The following GPCPD1 variants were observed in gnomAD, a reference collection of about 807,000 sequenced individuals.
GPCPD1 encodes glycerophosphocholine phosphodiesterase GPCPD1.
In GPCPD1, 29 loss-of-function variants were observed where a neutral mutation model predicts 89.2. That is an observed-to-expected ratio of 0.33 (90% CI 0.24 to 0.44). The LOEUF (loss-of-function observed/expected upper bound fraction) is 0.44. GPCPD1 is among the 20% of genes least tolerant of loss of function. GPCPD1 has a pLI of 1.00. For missense variants in GPCPD1, 594 were observed against 808.9 expected, an observed-to-expected ratio of 0.73 and a Z score of 3.22; for synonymous variants, 258 against 266.3, an observed-to-expected ratio of 0.97 and a Z score of 0.30.
Position 5,604,458 on chromosome 20 carries a change from A to G in GPCPD1, c.-28-18T>C. The G allele has an allele frequency of 3.5e-6, 4 of 1,140,240 alleles. No individual in the cohort carries two copies. The highest frequency in any genetic ancestry group is 5.2e-6 in the Non-Finnish European group (4 of 765,486). The allele number at this position is 1,140,240 out of a possible 1,614,324, so 70.6% of individuals were successfully genotyped here. A position where few individuals can be genotyped will look rare whatever the true frequency, so the allele number is the denominator to read the frequency against. On this transcript the variant is annotated intron_variant, in intron 1 of 19. Transcript: ENST00000379019. Reference sequence around the variant, plus strand: ...ATGTCGTGCTAGGAAAAAAAAGAAAAGTAACTTATAGTATAAAAATATATG... The same window carrying G: ...ATGTCGTGCTAGGAAAAAAAAGAAAGGTAACTTATAGTATAAAAATATATG...
chr20:5,585,408 A>G (rs1213553194), intron 5 of GPCPD1: 1 of 152,098 alleles, frequency 6.6e-6, no homozygotes, highest in East Asian at 1.9e-4. Context: ...TTATCTTTCA[A>G]TTTTAACTTT....
intron 13 of GPCPD1, among the ~76,000 whole-genome samples, chr20:5,567,257 G>A (rs1371450425): frequency 2.6e-5 from 4 of 152,120 alleles, no homozygotes; most frequent in Admixed American, 1.3e-4. Flanking sequence ...GGTCTAGTTC[G>A]TTCCTTCATA....
In GPCPD1 at chr20:5,598,753, G is replaced by A. The variant is rs1435476729; in HGVS notation, c.118C>T (p.Leu40Phe). The stretch of plus-strand genomic sequence containing the variant: ...TCACCTGTGTCATTCTCTGGAAGAA[G>A]AGCCACAGCATTTTGAGGATTCCAG... ...GNWNPQNAVA[L>F]LPENDTGESM... Residue 40 changes from leucine (L) to phenylalanine (F), a missense_variant, in exon 3 of 20, where the codon CTT (leucine) becomes TTT (phenylalanine). Transcript: ENST00000379019. 2 of 1,611,148 alleles carry A rather than the reference G, an allele frequency of 1.2e-6. No homozygotes were observed. The highest frequency in any genetic ancestry group is 8.5e-7 in the Non-Finnish European group (1 of 1,177,254).
At chr20:5,558,204 G>A in intron 18 of GPCPD1, 99 bp from the exon 19 acceptor site, 1 of 623,792 alleles carries the variant, frequency 1.6e-6, no homozygotes, top group Non-Finnish European at 2.7e-6. Context: ...ACAGCAGGCG[G>A]GAAAAGAAAA....
chr20:5,562,050 CAA>C (rs927517543), intron 15 of GPCPD1, among the ~76,000 whole-genome samples: 2 of 152,070 alleles, frequency 1.3e-5, no homozygotes, highest in African/African-American at 4.8e-5. Flanking sequence ...GCTCATAAAT[CAA>C]AAAAGTTATA....
At chr20:5,592,433 T>C (rs1979392684) in intron 4 of GPCPD1, among the ~76,000 whole-genome samples, 1 of 152,232 alleles carries the variant, frequency 6.6e-6, no homozygotes, top group Non-Finnish European at 1.5e-5. Context: ...AGAAACGTAA[T>C]AGGTGCAAAA....
At chr20:5,550,095 A>G (rs544904433) in intron 19 of GPCPD1, among the ~76,000 whole-genome samples, 1 of 152,102 alleles carries the variant, frequency 6.6e-6, no homozygotes, top group African/African-American at 2.4e-5. Flanking sequence ...TGGGAGACTG[A>G]GGCATGAGAA....
chr20:5,568,283 T>C (rs151230768), intron 12 of GPCPD1, among the ~76,000 whole-genome samples: 1 of 150,272 alleles, frequency 6.7e-6, no homozygotes, highest in East Asian at 1.9e-4. Flanking sequence ...ATCACATATA[T>C]ATTCATTCAT....
Position 5,547,409 on chromosome 20 carries a change from ATATT to A in GPCPD1, c.*248_*251del, listed in dbSNP as rs1372908660. 4.6e-6 allele frequency: 1 copy of A among 216,678 alleles called. No individual in the cohort carries two copies. The highest frequency in any genetic ancestry group is 8.9e-6 in the Non-Finnish European group (1 of 111,748). 13.4% of individuals were successfully genotyped at this position (216,678 alleles called of 1,614,324 possible). A position where few individuals can be genotyped will look rare whatever the true frequency, so the allele number is the denominator to read the frequency against. ...CATATGTTTAACATTATAGATTTAT[ATATT>A]TAGTTTAAAATATTTATATTACTAA... is the stretch of plus-strand genomic sequence containing the variant. On this transcript the variant is annotated 3_prime_UTR_variant, in exon 20 of 20. Coordinates refer to ENST00000379019, the MANE Select transcript of GPCPD1 (RefSeq NM_019593.5).
chr20:5,560,196 T>A, intron 16 of GPCPD1, 120 bp from the exon 17 acceptor site: 1 of 551,450 alleles, frequency 1.8e-6, no homozygotes, highest in Non-Finnish European at 3.1e-6. Flanking sequence ...GTCCAACTAC[T>A]ATTTTATAGA....
intron 1 of GPCPD1, among the ~76,000 whole-genome samples, chr20:5,604,831 A>T (rs1980467400): frequency 6.8e-6 from 1 of 147,394 alleles, no homozygotes; most frequent in Non-Finnish European, 1.5e-5. Flanking sequence ...GCATGCCTGT[A>T]GTTCCAGCTA....
intron 1 of GPCPD1, among the ~76,000 whole-genome samples, chr20:5,608,622 G>GA (rs11475484): frequency 8.0e-5 from 12 of 150,062 alleles, no homozygotes; most frequent in Admixed American, 2.7e-4. Flanking sequence ...AAACAAGGAA[G>GA]AAAAAAAAAA....
intron 6 of GPCPD1, among the ~76,000 whole-genome samples, chr20:5,580,997 C>T (rs1054248858): frequency 1.3e-5 from 2 of 151,856 alleles, no homozygotes; most frequent in African/African-American, 2.4e-5. Flanking sequence ...CCTCAGCCTC[C>T]CAAGTAGCTG....
intron 3 of GPCPD1, among the ~76,000 whole-genome samples, chr20:5,597,505 T>C (rs552683114): frequency 2.0e-5 from 3 of 152,354 alleles, no homozygotes; most frequent in African/African-American, 4.8e-5. Flanking sequence ...TCTCACATCA[T>C]GGATTGATTT....
intron 4 of GPCPD1, among the ~76,000 whole-genome samples, chr20:5,588,756 C>T (rs989126315): frequency 3.3e-5 from 5 of 151,520 alleles, no homozygotes; most frequent in African/African-American, 7.3e-5. Context: ...ATCTGGGAGG[C>T]GGAGGCTGCA....
chr20:5,595,061 C>G (rs79039402), intron 3 of GPCPD1, among the ~76,000 whole-genome samples: 4,141 of 152,218 alleles, frequency 0.027, 197 homozygotes, highest in African/African-American at 0.095. Flanking sequence ...CTTCAGCAAC[C>G]ACGACTCTGA....
At chr20:5,579,159 T>C (rs1418245722) in intron 7 of GPCPD1, among the ~76,000 whole-genome samples, 1 of 151,850 alleles carries the variant, frequency 6.6e-6, no homozygotes, top group Non-Finnish European at 1.5e-5. Context: ...TACTCCAACC[T>C]GGGTGACACG....
At chr20:5,590,581 G>C (rs1258780517) in intron 4 of GPCPD1, among the ~76,000 whole-genome samples, 1 of 109,476 alleles carries the variant, frequency 9.1e-6, no homozygotes, top group African/African-American at 3.8e-5. Context: ...ACCAGTAAAA[G>C]AAACAGTCAC....
intron 7 of GPCPD1, among the ~76,000 whole-genome samples, chr20:5,579,366 C>CT (rs1978320711): frequency 1.3e-5 from 2 of 151,362 alleles, no homozygotes; most frequent in East Asian, 3.9e-4. Flanking sequence ...TCAATTTTTT[C>CT]TTTTTTTGAG....
Sources: gnomAD v4.1 joint callset for allele counts (sites outside exome capture counted in the v4.1 genomes callset) on GRCh38, gnomAD v4.1.1 for gene constraint, MANE v1.5 for transcripts, NCBI Gene and HGNC (gene_info 2026-07-23, HGNC 2026-07-21) for gene names.